Variants in SCARB2 observed in about 807,000 individuals in gnomAD.
SCARB2 encodes scavenger receptor class B member 2, also known as lysosome membrane protein 2.
A neutral mutation model predicts 58.6 loss-of-function variants in SCARB2; 29 were observed. The observed-to-expected ratio is 0.49, with a 90% CI of 0.37 to 0.67. The LOEUF is 0.67. SCARB2 is among the 30% of genes least tolerant of loss of function. The probability of loss-of-function intolerance (pLI) is 0.00; values close to 1 mark genes in which losing one functional copy is unlikely to be tolerated. For missense variants in SCARB2, 488 were observed against 578.5 expected, an observed-to-expected ratio of 0.84 and a Z score of 1.60; for synonymous variants, 195 against 210.1, an observed-to-expected ratio of 0.93 and a Z score of 0.62.
At chr4:76,197,373 G>A (rs370497459) in intron 1 of SCARB2, among the ~76,000 whole-genome samples, 107 of 152,264 alleles carry the variant, frequency 7.0e-4, no homozygotes, top group African/African-American at 2.5e-3. Context: ...CCACCTTGAA[G>A]TTGCCACCCT....
At chr4:76,172,238 C>T (rs1403495036) in intron 7 of SCARB2, among the ~76,000 whole-genome samples, 4 of 148,738 alleles carry the variant, frequency 2.7e-5, no homozygotes, top group South Asian at 2.1e-4. Flanking sequence ...ATATGATATA[C>T]GTATATATAA....
At chr4:76,222,874 G>A (rs895515454) in intron 1 of SCARB2, among the ~76,000 whole-genome samples, 8 of 152,192 alleles carry the variant, frequency 5.3e-5, no homozygotes, top group African/African-American at 1.9e-4. Context: ...CCTAGTTTAA[G>A]TCTTGGTCAG....
chr4:76,169,966 A>C lies in SCARB2; in HGVS notation c.1014T>G (p.Ser338=), dbSNP rs1732095676. The C allele has an allele frequency of 6.2e-7, 1 of 1,613,964 alleles. No individual in the cohort carries two copies. The highest frequency in any genetic ancestry group is 8.5e-7 in the Non-Finnish European group (1 of 1,179,868). ...CATCTGCTTGGTAAAAGTGTGGGAA[A>C]GACATAATGATGGGTGCACCTGCAT... ...ICKNGAPIIM[S]FPHFYQADER... The change falls in exon 8 of 12, where the codon TCT becomes TCG. Residue 338 remains serine, a synonymous_variant. Transcript: ENST00000264896.
At position 76,178,530 on chromosome 4, in the gene SCARB2, T is replaced by C. The variant is rs578195319; in HGVS notation, c.612+987A>G. ...GGAACAAAAGGGCCTCGAGGGAACCTTTGCATAATATCTCTCAGTAGGAGG... is the reference window on the plus strand; with the variant it reads ...GGAACAAAAGGGCCTCGAGGGAACCCTTGCATAATATCTCTCAGTAGGAGG... On this transcript the variant is annotated intron_variant, in intron 4 of 11. Transcript: ENST00000264896. Among the ~76,000 whole-genome samples the C allele has an allele frequency of 2.6e-5, 4 of 152,324 alleles. No homozygotes were observed. The East Asian group carries it at 7.7e-4, about 29-fold the overall frequency.
chr4:76,205,124 G>C (rs1732903288), intron 1 of SCARB2, among the ~76,000 whole-genome samples: 1 of 152,104 alleles, frequency 6.6e-6, no homozygotes, highest in Non-Finnish European at 1.5e-5. Context: ...TCAGGAATTT[G>C]AGACCAGCCT....
At chr4:76,198,837 A>AGTGAGTGT (rs748791020) in intron 1 of SCARB2, among the ~76,000 whole-genome samples, 2 of 130,856 alleles carry the variant, frequency 1.5e-5, no homozygotes, top group Non-Finnish European at 3.1e-5. Context: ...CTGGAGAGTG[A>AGTGAGTGT]GTGAGTGTGT....
intron 2 of SCARB2, among the ~76,000 whole-genome samples, chr4:76,181,848 G>A (rs191323649): frequency 3.0e-4 from 46 of 152,210 alleles, no homozygotes; most frequent in East Asian, 1.2e-3. Flanking sequence ...TTACAGGCAT[G>A]AGCTACCACA....
chr4:76,213,637 G>A lies in SCARB2; in HGVS notation c.-94C>T. On this transcript the variant is annotated 5_prime_UTR_variant, in exon 1 of 12. Coordinates refer to ENST00000264896, the MANE Select transcript of SCARB2 (RefSeq NM_005506.4). Reference sequence around the variant, plus strand: ...CGCCGCAGAGGCGTCGAAGACCCGGGACCCTTCGGCGCCACGCCCACGCCC... The same window carrying A: ...CGCCGCAGAGGCGTCGAAGACCCGGAACCCTTCGGCGCCACGCCCACGCCC... The A allele has an allele frequency of 3.1e-6, 3 of 983,320 alleles. No homozygotes were observed. Among genetic ancestry groups the A allele is most frequent in the Non-Finnish European group, 4.7e-6 (3 of 636,576 alleles). The allele number at this position is 983,320 out of a possible 1,614,324, so 60.9% of individuals were successfully genotyped here.
upstream of SCARB2, among the ~76,000 whole-genome samples, chr4:76,214,596 G>A (rs1299373822): frequency 6.6e-6 from 1 of 152,140 alleles, no homozygotes; most frequent in African/African-American, 2.4e-5. Flanking sequence ...AGTTGGGAAG[G>A]AGCTTAAAGC....
In SCARB2 at chr4:76,168,462, G is replaced by T; in HGVS notation, c.1128C>A (p.Ile376=). 6.2e-7 allele frequency: 1 copy of T among 1,613,922 alleles called. No individual in the cohort carries two copies. The highest frequency in any genetic ancestry group is 8.5e-7 in the Non-Finnish European group (1 of 1,179,860). ...TTTGGAACCTCTTGGCTGCTTTTAG[G>T]ATTATTCCAGTCAACTGCAAATCAG... is the stretch of plus-strand genomic sequence containing the variant. ...FVDINPLTGI[I]LKAAKRFQIN... Residue 376 remains isoleucine, a synonymous_variant, in exon 9 of 12, where the codon ATC becomes ATA. Coordinates refer to ENST00000264896, the MANE Select transcript of SCARB2 (RefSeq NM_005506.4).
chr4:76,191,313 A>C (rs1448587915), intron 2 of SCARB2, among the ~76,000 whole-genome samples: 1 of 152,182 alleles, frequency 6.6e-6, no homozygotes, highest in East Asian at 1.9e-4. Flanking sequence ...GTACAGACTA[A>C]AACAATTAAT....
rs1241038615 is a variant in SCARB2 at position 76,213,681 on chromosome 4, G to A, written c.-138C>T. ...CACGCCCTCCCGGCGCACGGTTCGT[G>A]CGCGCAGCTCTGGGCTCCGCGGCCT... On this transcript the variant is annotated 5_prime_UTR_variant, in exon 1 of 12. Coordinates refer to ENST00000264896, the MANE Select transcript of SCARB2 (RefSeq NM_005506.4). The A allele has an allele frequency of 4.4e-6, 3 of 682,416 alleles. No homozygotes were observed. The highest frequency in any genetic ancestry group is 3.6e-5 in the South Asian group (2 of 55,814). The allele number at this position is 682,416 out of a possible 1,614,324, so 42.3% of individuals were successfully genotyped here.
intron 4 of SCARB2, among the ~76,000 whole-genome samples, chr4:76,178,391 C>T (rs1006882761): frequency 6.6e-6 from 1 of 152,110 alleles, no homozygotes; most frequent in Non-Finnish European, 1.5e-5. Context: ...GGCTATCAGT[C>T]TGGTGAATTC....
At chr4:76,166,598 G>A (rs1732013829) in intron 9 of SCARB2, 1 of 483,234 alleles carries the variant, frequency 2.1e-6, no homozygotes, top group Admixed American at 3.3e-5. Context: ...GAACAAAACT[G>A]TCACTCCTCA....
At chr4:76,208,375 T>A (rs769617941) in intron 1 of SCARB2, among the ~76,000 whole-genome samples, 1 of 152,250 alleles carries the variant, frequency 6.6e-6, no homozygotes, top group Non-Finnish European at 1.5e-5. Flanking sequence ...AGTTAGAGAA[T>A]CTTGCAAGGA....
Position 76,173,799 on chromosome 4 carries a change from C to A in SCARB2, c.994+345G>T, listed in dbSNP as rs563484249. 305 of 308,702 alleles carry A rather than the reference C, an allele frequency of 9.9e-4. 1 individual carries two copies. The highest frequency in any genetic ancestry group is 4.5e-3 in the Admixed American group (95 of 20,944). 19.1% of individuals were successfully genotyped at this position (308,702 alleles called of 1,614,324 possible). On this transcript the variant is annotated intron_variant, in intron 7 of 11. Transcript: ENST00000264896. ...CTAAACCACTGTCCAGAAAAAAAAA[C>A]ACAACATGGCATTCTAGAAATAAAA... is the stretch of plus-strand genomic sequence containing the variant.
intron 2 of SCARB2, chr4:76,193,011 C>CGG (rs1255271334): frequency 2.0e-5 from 3 of 152,194 alleles, no homozygotes; most frequent in Non-Finnish European, 1.5e-5. Flanking sequence ...TGAGACAGCC[C>CGG]CTTCCATCAC....
chr4:76,229,525 A>G (rs2109984856), intron 1 of SCARB2, among the ~76,000 whole-genome samples: 1 of 152,320 alleles, frequency 6.6e-6, no homozygotes, highest in South Asian at 2.1e-4. Context: ...CTTTTGTCCT[A>G]TAGGGTGATC....
intron 2 of SCARB2, chr4:76,191,753 TC>T (rs1286105305): frequency 1.3e-5 from 1 of 76,960 alleles, no homozygotes; most frequent in Non-Finnish European, 3.0e-5. Flanking sequence ...CCTCCCTCCC[TC>T]CCTCCCTGTC....
Sources: allele counts gnomAD v4.1 joint callset (sites outside exome capture counted in the v4.1 genomes callset), GRCh38; gene constraint gnomAD v4.1.1; transcripts MANE v1.5; gene names NCBI Gene and HGNC (gene_info 2026-07-23, HGNC 2026-07-21).